The following PDE4D variants were observed in gnomAD, a reference collection of about 807,000 sequenced individuals.
The protein encoded by PDE4D is phosphodiesterase 4D.
A neutral mutation model predicts 87.4 loss-of-function variants in PDE4D; 24 were observed. The ratio of observed to expected loss-of-function variants is 0.27; its 90% CI spans 0.20 to 0.39. The LOEUF is 0.39. Among genes scored for constraint, PDE4D ranks in the 10% least tolerant of loss-of-function variants. The pLI is 1.00. For synonymous variants in PDE4D, 384 were observed against 383.2 expected (o/e 1.00, Z -0.02); for missense variants, 714 against 1,041.0 (o/e 0.69, Z 4.32).
chr5:59,891,787 T>TCACACACACACACACA (rs55796463), intron 1 of PDE4D, among the ~76,000 whole-genome samples: 2 of 150,260 alleles, frequency 1.3e-5, no homozygotes, highest in African/African-American at 4.9e-5. Flanking sequence ...AGAGACATGC[T>TCACACACACACACACA]CACACACACA....
intron 6 of PDE4D, among the ~76,000 whole-genome samples, chr5:59,016,206 A>G (rs1181975967): frequency 1.3e-5 from 2 of 152,072 alleles, no homozygotes; most frequent in African/African-American, 2.4e-5. Flanking sequence ...CAGCACACCA[A>G]CATGGCACAT....
At chr5:59,022,309 T>C (rs1461177302) in intron 6 of PDE4D, among the ~76,000 whole-genome samples, 1 of 152,166 alleles carries the variant, frequency 6.6e-6, no homozygotes, top group Non-Finnish European at 1.5e-5. Context: ...AAGGAAAGTC[T>C]GACTCCCCTC....
At chr5:59,258,590 T>C (rs1761400578) in intron 1 of PDE4D, among the ~76,000 whole-genome samples, 1 of 150,746 alleles carries the variant, frequency 6.6e-6, no homozygotes, top group Non-Finnish European at 1.5e-5. Flanking sequence ...ATCATCTTTG[T>C]AGGCTACTAT....
In PDE4D at chr5:59,985,987, G is replaced by A. The variant is rs979207243; in HGVS notation, c.272+2501C>T. ...TGATTCTTAAATCTTAATGAAGATG[G>A]AAATGAATGTGAATCAACAGAAATG... On this transcript the variant is annotated intron_variant, in intron 3 of 16. Coordinates refer to the PDE4D transcript ENST00000502484. Among the ~76,000 whole-genome samples, 3 of 152,228 alleles carry A rather than the reference G, an allele frequency of 2.0e-5. No homozygotes were observed. The East Asian group carries it at 5.8e-4, about 29-fold the overall frequency.
At chr5:59,306,559 C>A (rs952685171) in intron 1 of PDE4D, among the ~76,000 whole-genome samples, 3 of 152,096 alleles carry the variant, frequency 2.0e-5, no homozygotes, top group African/African-American at 7.2e-5. Context: ...TTCTTATACA[C>A]CAATAACAGA....
At chr5:59,388,840 GC>G (rs1444308950) in intron 1 of PDE4D, among the ~76,000 whole-genome samples, 1 of 151,942 alleles carries the variant, frequency 6.6e-6, no homozygotes, top group Non-Finnish European at 1.5e-5. Context: ...TTAAGATTTA[GC>G]TTAGGAACTC....
At chr5:59,020,458 GCAA>G (rs1288898385) in intron 6 of PDE4D, among the ~76,000 whole-genome samples, 4 of 151,034 alleles carry the variant, frequency 2.6e-5, no homozygotes, top group Non-Finnish European at 4.4e-5. Flanking sequence ...GGGCAACAGA[GCAA>G]GACTCCGTCT....
intron 1 of PDE4D, among the ~76,000 whole-genome samples, chr5:59,821,508 T>C (rs1165795451): frequency 2.0e-5 from 3 of 152,224 alleles, no homozygotes; most frequent in Non-Finnish European, 2.9e-5. Flanking sequence ...CTAATTTATT[T>C]ATATTGTTAC....
At chr5:59,777,812 A>T (rs1388244989) in intron 1 of PDE4D, among the ~76,000 whole-genome samples, 1 of 152,220 alleles carries the variant, frequency 6.6e-6, no homozygotes, top group Non-Finnish European at 1.5e-5. Context: ...ACATAACAAA[A>T]TCATAAACCA....
chr5:59,264,697 C>A (rs1349429513), intron 1 of PDE4D, among the ~76,000 whole-genome samples: 1 of 151,928 alleles, frequency 6.6e-6, no homozygotes. Flanking sequence ...TTAATTATAA[C>A]AAAATAATGC....
chr5:59,771,495 GAGAGAAGAAAGAAAGAAAGA>G (rs1561637724), intron 1 of PDE4D, among the ~76,000 whole-genome samples: 2 of 29,896 alleles, frequency 6.7e-5, no homozygotes, highest in African/African-American at 1.8e-4. Context: ...GAGAGAGAGA[GAGAGAAGAAAGAAAGAAAGA>G]AAGAAAGAAA....
At chr5:60,315,813 T>C (rs1473901131) in intron 1 of PDE4D, among the ~76,000 whole-genome samples, 1 of 151,840 alleles carries the variant, frequency 6.6e-6, no homozygotes, top group Non-Finnish European at 1.5e-5. Context: ...GCAGCATTAT[T>C]TCTGAGGTCT....
At chr5:59,245,302 C>G (rs1379162456) in intron 1 of PDE4D, among the ~76,000 whole-genome samples, 1 of 151,930 alleles carries the variant, frequency 6.6e-6, no homozygotes, top group Non-Finnish European at 1.5e-5. Context: ...GTGCTTTTGC[C>G]CAAAAAGGAA....
intron 1 of PDE4D, among the ~76,000 whole-genome samples, chr5:59,887,566 T>C (rs1750354096): frequency 6.6e-6 from 1 of 152,220 alleles, no homozygotes; most frequent in Admixed American, 6.5e-5. Flanking sequence ...AGTTTGTCCA[T>C]GATAGACTTC....
rs866745671 is a variant in PDE4D at position 59,689,207 on chromosome 5, C to T, written c.455+203961G>A. 5.3e-4 allele frequency among the ~76,000 whole-genome samples: 81 copies of T among 152,278 alleles called. 1 individual carries two copies. Among genetic ancestry groups the T allele is most frequent in the Admixed American group, 1.8e-3 (28 of 15,290 alleles). On this transcript the variant is annotated intron_variant, in intron 1 of 14. Transcript: ENST00000340635. ...TCGATAGAAAAAGAGGGAATCCTCC[C>T]TAACTCATTTTATAAGGCCAGCATT...
intron 5 of PDE4D, among the ~76,000 whole-genome samples, chr5:59,126,637 A>G (rs1775443410): frequency 6.6e-6 from 1 of 152,196 alleles, no homozygotes; most frequent in African/African-American, 2.4e-5. Context: ...TTGAAATAGG[A>G]GTTTCACATA....
intron 1 of PDE4D, among the ~76,000 whole-genome samples, chr5:59,517,500 T>C (rs1198990874): frequency 6.6e-6 from 1 of 152,238 alleles, no homozygotes; most frequent in Admixed American, 6.5e-5. Flanking sequence ...AGCTTCCTTA[T>C]ATAGGGTACA....
intron 1 of PDE4D, among the ~76,000 whole-genome samples, chr5:59,634,812 T>A (rs950880448): frequency 2.0e-5 from 3 of 151,816 alleles, no homozygotes; most frequent in African/African-American, 7.3e-5. Context: ...CACCCTAACA[T>A]CACAATTAAA....
At chr5:59,916,676 A>AT (rs1195267648) in intron 3 of PDE4D, among the ~76,000 whole-genome samples, 2 of 152,170 alleles carry the variant, frequency 1.3e-5, no homozygotes, top group East Asian at 3.8e-4. Flanking sequence ...TGTTTGAAAT[A>AT]TTTTTTAAGA....
Sources: gnomAD v4.1 joint callset for allele counts (sites outside exome capture counted in the v4.1 genomes callset) on GRCh38, gnomAD v4.1.1 for gene constraint, MANE v1.5 for transcripts, NCBI Gene and HGNC (gene_info 2026-07-23, HGNC 2026-07-21) for gene names.